The following TRMT2B variants were observed in gnomAD, a reference collection of about 807,000 sequenced individuals.
The protein encoded by TRMT2B is tRNA methyltransferase 2B.
A neutral mutation model predicts 39.7 loss-of-function variants in TRMT2B; 34 were observed. The observed-to-expected ratio is 0.86, with a 90% CI of 0.65 to 1.14. TRMT2B has a LOEUF of 1.14. Among genes scored for constraint, TRMT2B ranks in the 50% most tolerant of loss-of-function variants. The pLI, the probability that TRMT2B is intolerant of heterozygous loss-of-function variation, is 0.00. For missense variants in TRMT2B, 318 were observed against 377.2 expected, an observed-to-expected ratio of 0.84 and a Z score of 1.30; for synonymous variants, 132 against 137.3, an observed-to-expected ratio of 0.96 and a Z score of 0.27.
chrX:101,041,785 C>T (rs1170612968), intron 3 of TRMT2B, among the ~76,000 whole-genome samples: 2 of 111,966 alleles, frequency 1.8e-5, no homozygotes, highest in Non-Finnish European at 3.8e-5. Flanking sequence ...CTGTCCTGGA[C>T]TTATTAAAGA....
chrX:100,988,576 G>A, the TRMT2B span: 2 of 984,278 alleles, frequency 2.0e-6, no homozygotes. Flanking sequence ...TGGATCAGTG[G>A]TTAGAGAAGA....
chrX:101,036,263 T>C (rs2087826525), intron 6 of TRMT2B, among the ~76,000 whole-genome samples: 1 of 109,687 alleles, frequency 9.1e-6, no homozygotes, highest in South Asian at 3.9e-4. Context: ...CTGGCCAACA[T>C]AGCGAAACCC....
chrX:101,003,803 AGTTTTGGGGGT>A, the TRMT2B span, among the ~76,000 whole-genome samples: 1 of 111,667 alleles, frequency 9.0e-6, no homozygotes, highest in Non-Finnish European at 1.9e-5. Context: ...CATCACTTTA[AGTTTTGGGGGT>A]GTTTTTGTTT....
At chrX:100,988,083 A>G in the TRMT2B span, 2 of 563,738 alleles carry the variant, frequency 3.5e-6, no homozygotes, top group Non-Finnish European at 5.7e-6. Context: ...CTCTGTTGTC[A>G]CTTTCATTGC....
chrX:100,996,623 C>T, the TRMT2B span, among the ~76,000 whole-genome samples: 1 of 112,103 alleles, frequency 8.9e-6, no homozygotes, highest in Non-Finnish European at 1.9e-5. Context: ...ACACAATTAC[C>T]ATTTCAGGTT....
intron 2 of TRMT2B, among the ~76,000 whole-genome samples, chrX:101,049,157 G>A (rs1319065743): frequency 9.0e-6 from 1 of 111,185 alleles, no homozygotes; most frequent in Non-Finnish European, 1.9e-5. Flanking sequence ...CTGGAGTGTA[G>A]TGAGGTTATG....
At chrX:101,021,016 A>C in intron 10 of TRMT2B, 85 bp downstream of exon 10, 17 of 878,443 alleles carry the variant, frequency 1.9e-5, no homozygotes, top group Non-Finnish European at 2.7e-5. Context: ...CACCACTACC[A>C]CTACCTCTCC....
chrX:101,047,164 A>G (rs935883639), intron 2 of TRMT2B, among the ~76,000 whole-genome samples: 1 of 106,434 alleles, frequency 9.4e-6, no homozygotes, highest in African/African-American at 3.4e-5. Context: ...CCAGGCAGCC[A>G]TGATCATGCT....
At chrX:100,995,938 C>A in the TRMT2B span, among the ~76,000 whole-genome samples, 3 of 111,390 alleles carry the variant, frequency 2.7e-5, no homozygotes, top group Non-Finnish European at 5.7e-5. Context: ...CATTCCACAC[C>A]CCCTACTCCA....
intron 7 of TRMT2B, among the ~76,000 whole-genome samples, chrX:101,033,685 T>C (rs1204399478): frequency 9.0e-6 from 1 of 110,918 alleles, no homozygotes; most frequent in Non-Finnish European, 1.9e-5. Context: ...AACAAAAAGA[T>C]GCAAAATACA....
the TRMT2B span, among the ~76,000 whole-genome samples, chrX:101,001,617 G>A: frequency 9.1e-6 from 1 of 110,176 alleles, no homozygotes; most frequent in African/African-American, 3.3e-5. Flanking sequence ...ACTAGGGCAA[G>A]GAAAATGTAA....
chrX:100,978,539 T>C, the TRMT2B span, among the ~76,000 whole-genome samples: 1 of 111,698 alleles, frequency 9.0e-6, no homozygotes, highest in African/African-American at 3.3e-5. Context: ...GGGTTTCCAT[T>C]TGTATAGAAT....
chrX:100,973,779 T>G, the TRMT2B span: 1 of 1,169,267 alleles, frequency 8.6e-7, no homozygotes, highest in Non-Finnish European at 1.2e-6. Flanking sequence ...CTAGGCCTAT[T>G]CCACTATTTC....
intron 13 of TRMT2B, among the ~76,000 whole-genome samples, chrX:101,018,572 C>A (rs1017335043): frequency 1.8e-5 from 2 of 109,567 alleles, no homozygotes; most frequent in Admixed American, 9.9e-5. Flanking sequence ...GTCTCAACCA[C>A]CCGAGTAGCT....
At chrX:101,030,514 G>T (rs923836105) in intron 7 of TRMT2B, among the ~76,000 whole-genome samples, 2 of 98,820 alleles carry the variant, frequency 2.0e-5, no homozygotes, top group Non-Finnish European at 4.0e-5. Context: ...GCAGTGGCGC[G>T]AACTCGGCTC....
chrX:101,024,013 A>G (rs1355161379), intron 7 of TRMT2B, among the ~76,000 whole-genome samples: 4 of 110,538 alleles, frequency 3.6e-5, no homozygotes. Context: ...AAGCCTGGCT[A>G]ATTTTTGTAT....
chrX:101,013,961 C>G (rs765277067), intron 13 of TRMT2B, among the ~76,000 whole-genome samples: 1 of 109,968 alleles, frequency 9.1e-6, no homozygotes, highest in African/African-American at 3.3e-5. Context: ...GTGACTCACG[C>G]CTATAGTCCC....
rs140704137 is a variant in TRMT2B at position 101,021,222 on chromosome X, G to A, written c.945C>T (p.Arg315=). Residue 315 remains arginine, a synonymous_variant, in exon 10 of 14, where the codon CGC becomes CGT. Coordinates refer to ENST00000372936, the MANE Select transcript of TRMT2B (RefSeq NM_024917.6). The part of the protein sequence containing the change: ...IFEELLSLKI[R]ISPDAFFQIN... Reference sequence around the variant, plus strand: ...TCTGGAAAAAGGCATCTGGAGAGATGCGGATCTTCAAGCTCAGAAGTTCTT... The same window carrying A: ...TCTGGAAAAAGGCATCTGGAGAGATACGGATCTTCAAGCTCAGAAGTTCTT... 122 of 1,209,943 alleles carry A rather than the reference G, an allele frequency of 1.0e-4. 1 individual carries two copies. In the Admixed American group the frequency reaches 1.1e-3, roughly 11 times the overall value.
chrX:101,048,686 T>C (rs998972728), intron 2 of TRMT2B, among the ~76,000 whole-genome samples: 24 of 112,447 alleles, frequency 2.1e-4, no homozygotes, highest in Non-Finnish European at 4.3e-4. Flanking sequence ...GTGATCCACC[T>C]GCCTCAGCAT....
Sources: allele counts gnomAD v4.1 joint callset (sites outside exome capture counted in the v4.1 genomes callset), GRCh38; gene constraint gnomAD v4.1.1; transcripts MANE v1.5; gene names NCBI Gene and HGNC (gene_info 2026-07-23, HGNC 2026-07-21).